DNAH17: variants seen among roughly 807,000 people sequenced by gnomAD.
DNAH17 encodes the protein axonemal beta dynein heavy chain 17.
Under a neutral mutation model 485.6 loss-of-function variants are expected in DNAH17, and 376 were observed. That is an observed-to-expected ratio of 0.77 (90% CI 0.71 to 0.84). The LOEUF (loss-of-function observed/expected upper bound fraction) is 0.84. Among genes scored for constraint, DNAH17 ranks in the 40% least tolerant of loss-of-function variants. DNAH17 has a pLI of 0.00. For missense variants in DNAH17, 6,370 were observed against 5,839.3 expected, an observed-to-expected ratio of 1.09 and a Z score of -2.96; for synonymous variants, 3,031 against 2,405.9, an observed-to-expected ratio of 1.26 and a Z score of -7.60.
chr17:78,444,717 C>T lies in DNAH17; in HGVS notation c.11415G>A (p.Glu3805=). The T allele has an allele frequency of 6.2e-7, 1 of 1,606,856 alleles. No individual in the cohort carries two copies. ...GSAKRWKKLV[E]SEAPEKEIFP... Reference sequence around the variant, plus strand: ...AGATCTCCTTCTCGGGGGCTTCCGACTCCACCAGCTTTTTCCAGCGCTTGG... The same window carrying T: ...AGATCTCCTTCTCGGGGGCTTCCGATTCCACCAGCTTTTTCCAGCGCTTGG... The change falls in exon 71 of 81, where the codon GAG becomes GAA. Residue 3805 remains glutamate (E), a synonymous_variant. Transcript: ENST00000389840.
Position 78,543,853 on chromosome 17 carries a change from T to C in DNAH17, c.2532+4A>G. The C allele has an allele frequency of 6.2e-7, 1 of 1,614,014 alleles. No individual in the cohort carries two copies. The highest frequency in any genetic ancestry group is 8.5e-7 in the Non-Finnish European group (1 of 1,179,890). ...CTCAAAAAACCTCCTGGGTGTTTCC[T>C]TACTGCAACCATGGCTTGGATCTTC... On this transcript the variant is annotated splice_donor_region_variant and intron_variant, in intron 17 of 80. Transcript: ENST00000389840.
chr17:78,492,746 T>TA lies in DNAH17; in HGVS notation c.6427_6428insT (p.Lys2143IlefsTer54). On this transcript the variant is annotated frameshift_variant, in exon 42 of 81. Coordinates refer to ENST00000389840, the MANE Select transcript of DNAH17 (RefSeq NM_173628.4). LOFTEE classifies it high-confidence loss of function. ...CTTCCTCTTCAGGTTCTGATAGGTC[T>TA]TGTTGAGGGATTTGAGGACCTGGCG... 1 of 1,612,504 alleles carries TA rather than the reference T, an allele frequency of 6.2e-7. No homozygotes were observed. The highest frequency in any genetic ancestry group is 8.5e-7 in the Non-Finnish European group (1 of 1,179,278).
intron 69 of DNAH17, among the ~76,000 whole-genome samples, chr17:78,448,517 A>T (rs690913): frequency 0.024 from 3,621 of 152,194 alleles, 159 homozygotes; most frequent in African/African-American, 0.079. Context: ...ACAGAGTGAG[A>T]TTGTCTCAAA....
intron 52 of DNAH17, 52 bp from the exon 53 acceptor site, chr17:78,475,885 C>T: frequency 1.9e-6 from 3 of 1,585,840 alleles, no homozygotes; most frequent in Non-Finnish European, 2.6e-6. Flanking sequence ...ACCATGACCA[C>T]ACAGATAGTT....
chr17:78,551,058 AAAAAAC>A lies in DNAH17; in HGVS notation c.2391+471_2391+476del, dbSNP rs374913402. ...ACATGGTGAAACCTCATCTCCACTA[AAAAAAC>A]AAAAACAAAAACAAAATTCCTTTTG... On this transcript the variant is annotated intron_variant, in intron 16 of 80. Coordinates refer to ENST00000389840, the MANE Select transcript of DNAH17 (RefSeq NM_173628.4). Among the ~76,000 whole-genome samples, 299 of 152,256 alleles carry A rather than the reference AAAAAAC, an allele frequency of 2.0e-3. 2 individuals carry two copies. Among genetic ancestry groups the A allele is most frequent in the African/African-American group, 6.9e-3 (285 of 41,550 alleles).
chr17:78,549,396 G>C (rs905184652), intron 16 of DNAH17, among the ~76,000 whole-genome samples: 1 of 152,154 alleles, frequency 6.6e-6, no homozygotes, highest in Non-Finnish European at 1.5e-5. Context: ...GAAATGACCA[G>C]GACAGTGGGC....
chr17:78,473,299 C>T (rs575341133), intron 54 of DNAH17, among the ~76,000 whole-genome samples: 8 of 152,242 alleles, frequency 5.3e-5, no homozygotes, highest in South Asian at 4.1e-4. Flanking sequence ...AATCCCAGCA[C>T]TCTGGGAGGC....
At chr17:78,577,018 G>A (rs1484728788) in intron 1 of DNAH17, among the ~76,000 whole-genome samples, 2 of 152,222 alleles carry the variant, frequency 1.3e-5, no homozygotes, top group African/African-American at 4.8e-5. Flanking sequence ...AGGAAGCTGG[G>A]GCTAGGGGCT....
chr17:78,548,926 C>T (rs2091838969), intron 16 of DNAH17, among the ~76,000 whole-genome samples: 1 of 152,238 alleles, frequency 6.6e-6, no homozygotes, highest in Non-Finnish European at 1.5e-5. Context: ...TCCACCAAGC[C>T]CCTTGGCTTT....
intron 1 of DNAH17, among the ~76,000 whole-genome samples, chr17:78,576,487 A>C (rs914374426): frequency 6.6e-6 from 1 of 152,156 alleles, no homozygotes; most frequent in Non-Finnish European, 1.5e-5. Context: ...GGCAAGTAGG[A>C]GGAGCACCGC....
In DNAH17 at chr17:78,466,691, G is replaced by C. The variant is rs1193694898; in HGVS notation, c.8904C>G (p.Val2968=). The change falls in exon 56 of 81, where the codon GTC becomes GTG. Residue 2968 remains valine, a synonymous_variant. Coordinates refer to ENST00000389840, the MANE Select transcript of DNAH17 (RefSeq NM_173628.4). ...HEWPEDALVS[V]SARFLEETEG... ...CAGTCTCCTCCAGGAAGCGGGCGCT[G>C]ACGGACACCAGCGCATCTTCCGGCC... The C allele has an allele frequency of 1.1e-5, 18 of 1,612,378 alleles. No individual in the cohort carries two copies. Among genetic ancestry groups the C allele is most frequent in the Non-Finnish European group, 1.5e-5 (18 of 1,179,432 alleles).
intron 69 of DNAH17, among the ~76,000 whole-genome samples, chr17:78,446,898 C>A (rs1341594661): frequency 6.6e-6 from 1 of 152,162 alleles, no homozygotes; most frequent in Non-Finnish European, 1.5e-5. Context: ...CCCACCTTGG[C>A]CTCCCAACGT....
chr17:78,555,946 G>A (rs1190121066), intron 14 of DNAH17, among the ~76,000 whole-genome samples: 2 of 152,238 alleles, frequency 1.3e-5, no homozygotes, highest in Admixed American at 1.3e-4. Flanking sequence ...TCCCCTAGTT[G>A]TCAGGCTTTG....
chr17:78,539,812 G>A lies in DNAH17; in HGVS notation c.2601C>T (p.Asp867=), dbSNP rs766847900. ...GGTCAAATTCATCTAAGACCATGTC[G>A]TCAATGTAGATGACATAATCCTTCC... ...LPWKDYVIYI[D]DMVLDEFDQF... Residue 867 remains aspartate (D), a synonymous_variant, in exon 18 of 81, where the codon GAC becomes GAT. Coordinates refer to ENST00000389840, the MANE Select transcript of DNAH17 (RefSeq NM_173628.4). The A allele has an allele frequency of 1.9e-5, 31 of 1,611,752 alleles. No homozygotes were observed. Among genetic ancestry groups the A allele is most frequent in the Non-Finnish European group, 2.4e-5 (28 of 1,179,438 alleles).
At chr17:78,547,895 G>A (rs528059381) in intron 16 of DNAH17, among the ~76,000 whole-genome samples, 1 of 152,054 alleles carries the variant, frequency 6.6e-6, no homozygotes, top group South Asian at 2.1e-4. Context: ...TGGGATTACA[G>A]GTGTGAGCCA....
Position 78,466,569 on chromosome 17 carries a change from G to A in DNAH17, c.8940+86C>T, listed in dbSNP as rs532006636. 1.2e-4 allele frequency: 161 copies of A among 1,369,082 alleles called. No homozygotes were observed. In the African/African-American group the frequency reaches 1.4e-3, roughly 12 times the overall value. The allele number at this position is 1,369,082 out of a possible 1,614,324, so 84.8% of individuals were successfully genotyped here. On this transcript the variant is annotated intron_variant, in intron 56 of 80. Coordinates refer to ENST00000389840, the MANE Select transcript of DNAH17 (RefSeq NM_173628.4). ...TCACTTGGCTCACCCTAATCCCAGC[G>A]CCCTTTTCTCCCAGGGAGCCAGCCC...
At chr17:78,471,338 G>A (rs2088739320) in intron 54 of DNAH17, among the ~76,000 whole-genome samples, 1 of 152,182 alleles carries the variant, frequency 6.6e-6, no homozygotes, top group South Asian at 2.1e-4. Flanking sequence ...CAGGTGGGCA[G>A]CAGGTGGGCC....
rs201330632 is a variant in DNAH17 at position 78,466,232 on chromosome 17, G to C, written c.8940+423C>G. On this transcript the variant is annotated intron_variant, in intron 56 of 80. Coordinates refer to ENST00000389840, the MANE Select transcript of DNAH17 (RefSeq NM_173628.4). ...TTTGTTAAACAGATGCTTGAAGGCA[G>C]CATGCTCGTTAAGAGTCATCACCAC... 5.7e-3 allele frequency among the ~76,000 whole-genome samples: 873 copies of C among 152,254 alleles called. 8 individuals are homozygous for C. Among genetic ancestry groups the C allele is most frequent in the East Asian group, 0.021 (110 of 5,176 alleles).
At chr17:78,466,083 C>A (rs373701398) in intron 56 of DNAH17, among the ~76,000 whole-genome samples, 16 of 152,204 alleles carry the variant, frequency 1.1e-4, no homozygotes, top group African/African-American at 3.9e-4. Flanking sequence ...TTGTTCTGTA[C>A]TAAGAAAACT....
Sources: allele counts gnomAD v4.1 joint callset (sites outside exome capture counted in the v4.1 genomes callset), GRCh38; gene constraint gnomAD v4.1.1; transcripts MANE v1.5; gene names NCBI Gene and HGNC (gene_info 2026-07-23, HGNC 2026-07-21).